Variants in CLIC5 observed in about 807,000 individuals in gnomAD.
CLIC5 encodes the protein CLIC family member 5, also known as chloride intracellular channel protein 5.
A neutral mutation model predicts 24.7 loss-of-function variants in CLIC5; 20 were observed. The observed-to-expected ratio is 0.81, with a 90% CI of 0.57 to 1.18. The LOEUF (loss-of-function observed/expected upper bound fraction) is 1.18. Ranked by LOEUF, CLIC5 falls within the 50% of genes most tolerant of loss-of-function variation. The pLI is 0.00. For synonymous variants in CLIC5, 159 were observed against 135.6 expected (o/e 1.17, Z -1.20); for missense variants, 341 against 326.1 (o/e 1.05, Z -0.35).
In CLIC5 at chr6:45,929,018, C is replaced by T. The variant is rs563588405; in HGVS notation, c.406+12529G>A. ...GGTCAGACAGCGGGAAATTCCACCACATGGAATGGTGTTGGTGGTCTCCGC... is the reference window on the plus strand; with the variant it reads ...GGTCAGACAGCGGGAAATTCCACCATATGGAATGGTGTTGGTGGTCTCCGC... On this transcript the variant is annotated intron_variant, in intron 4 of 5. Coordinates refer to ENST00000339561, the MANE Select transcript of CLIC5 (RefSeq NM_016929.5). 5.3e-5 allele frequency among the ~76,000 whole-genome samples: 8 copies of T among 152,254 alleles called. No homozygotes were observed. The East Asian group carries it at 1.5e-3, about 29-fold the overall frequency.
At chr6:45,997,856 A>G (rs1178945228) in intron 1 of CLIC5, among the ~76,000 whole-genome samples, 1 of 152,246 alleles carries the variant, frequency 6.6e-6, no homozygotes, top group Non-Finnish European at 1.5e-5. Context: ...AACCAAAGCC[A>G]GAGACTATAA....
intron 1 of CLIC5, among the ~76,000 whole-genome samples, chr6:46,033,393 T>C (rs1319151508): frequency 6.6e-6 from 1 of 152,136 alleles, no homozygotes; most frequent in Non-Finnish European, 1.5e-5. Context: ...GTGTCAGGCA[T>C]TTGGGCAGTC....
chr6:46,124,560 G>A, the CLIC5 span, among the ~76,000 whole-genome samples: 3 of 152,190 alleles, frequency 2.0e-5, no homozygotes, highest in Non-Finnish European at 4.4e-5. Flanking sequence ...GGCAACAAAA[G>A]CCAAAATTGA....
chr6:46,106,776 T>C, the CLIC5 span, among the ~76,000 whole-genome samples: 1 of 152,212 alleles, frequency 6.6e-6, no homozygotes, highest in Non-Finnish European at 1.5e-5. Flanking sequence ...ATCCTCTTTC[T>C]CTGTGCTTTG....
chr6:46,110,281 A>G, the CLIC5 span, among the ~76,000 whole-genome samples: 3 of 152,208 alleles, frequency 2.0e-5, no homozygotes, highest in Non-Finnish European at 4.4e-5. Flanking sequence ...CGTAGCCTCC[A>G]TGATTGTGAT....
chr6:45,915,874 A>T (rs988846856), intron 4 of CLIC5, among the ~76,000 whole-genome samples: 7 of 152,172 alleles, frequency 4.6e-5, no homozygotes, highest in Non-Finnish European at 8.8e-5. Flanking sequence ...ATGGCTGACC[A>T]GGGCATCAGT....
At chr6:45,937,112 C>T (rs570581083) in intron 4 of CLIC5, among the ~76,000 whole-genome samples, 10 of 152,156 alleles carry the variant, frequency 6.6e-5, no homozygotes, top group East Asian at 3.9e-4. Flanking sequence ...AGGCCACTGA[C>T]GCTCCTTGAT....
chr6:46,102,230 G>T, the CLIC5 span, among the ~76,000 whole-genome samples: 1 of 152,264 alleles, frequency 6.6e-6, no homozygotes, highest in Middle Eastern at 3.4e-3. Flanking sequence ...AACAAAGTAC[G>T]AGCAGCAATG....
rs376702671 is a variant in CLIC5 at position 45,986,913 on chromosome 6, G to T, written c.63+28567C>A. ...CTTGTGCAGGGACAGAAGACCCTGG[G>T]GTCATATTATTTGTACACAATTCCA... On this transcript the variant is annotated intron_variant, in intron 1 of 5. Transcript: ENST00000339561. Among the ~76,000 whole-genome samples the T allele has an allele frequency of 2.6e-5, 4 of 152,230 alleles. No individual in the cohort carries two copies. In the East Asian group the frequency reaches 7.7e-4, roughly 29 times the overall value.
At chr6:45,958,473 TATAA>T (rs1764739748) in intron 1 of CLIC5, among the ~76,000 whole-genome samples, 4 of 42,434 alleles carry the variant, frequency 9.4e-5, no homozygotes, top group South Asian at 5.2e-4. Flanking sequence ...TATATATATA[TATAA>T]ACAGCTAATG....
intron 1 of CLIC5, among the ~76,000 whole-genome samples, chr6:45,995,814 G>A (rs950069690): frequency 7.9e-5 from 12 of 152,136 alleles, no homozygotes; most frequent in South Asian, 4.2e-4. Flanking sequence ...TGTCCTTTGC[G>A]GGGACATGGA....
chr6:46,088,529 A>G, the CLIC5 span, among the ~76,000 whole-genome samples: 1 of 152,212 alleles, frequency 6.6e-6, no homozygotes, highest in African/African-American at 2.4e-5. Context: ...ATAGAAAAAG[A>G]TAAGAAAAAT....
chr6:46,058,894 G>C lies in CLIC5; in HGVS notation c.540+20809C>G, dbSNP rs189662208. On this transcript the variant is annotated intron_variant, in intron 1 of 5. Transcript: ENST00000185206. ...AGCAGTTGCATGTGATCTTACAGGA[G>C]AACACCATGGCAGAGGCATTTGGTT... Among the ~76,000 whole-genome samples, 178 of 152,346 alleles carry C rather than the reference G, an allele frequency of 1.2e-3. 5 individuals carry two copies. In the South Asian group the frequency reaches 0.028, roughly 24 times the overall value.
intron 4 of CLIC5, among the ~76,000 whole-genome samples, chr6:45,920,890 G>A (rs1763231713): frequency 6.6e-6 from 1 of 152,134 alleles, no homozygotes; most frequent in South Asian, 2.1e-4. Context: ...ATTCTAAGGG[G>A]ATTTTGAGGA....
At chr6:46,077,646 GCT>G (rs952018208) in intron 1 of CLIC5, among the ~76,000 whole-genome samples, 25 of 152,180 alleles carry the variant, frequency 1.6e-4, no homozygotes, top group African/African-American at 5.8e-4. Context: ...TATAACTGCC[GCT>G]CTTTTTATTA....
chr6:46,128,416 A>C, the CLIC5 span, among the ~76,000 whole-genome samples: 3 of 152,234 alleles, frequency 2.0e-5, no homozygotes, highest in Admixed American at 2.0e-4. Flanking sequence ...AATGCCACAA[A>C]ATTTAAGTTC....
At chr6:45,881,273 G>A (rs1581701210) in intron 6 of CLIC5, 1 of 396,436 alleles carries the variant, frequency 2.5e-6, no homozygotes, top group Non-Finnish European at 4.4e-6. Flanking sequence ...AATCATGCAA[G>A]CATGAAGGAT....
At chr6:45,935,812 TC>T (rs1366485058) in intron 4 of CLIC5, among the ~76,000 whole-genome samples, 1 of 152,068 alleles carries the variant, frequency 6.6e-6, no homozygotes, top group Non-Finnish European at 1.5e-5. Flanking sequence ...ATGGGTGGAT[TC>T]CACATGAGAA....
intron 1 of CLIC5, among the ~76,000 whole-genome samples, chr6:45,958,304 T>G (rs1764713352): frequency 6.6e-6 from 1 of 151,240 alleles, no homozygotes; most frequent in Non-Finnish European, 1.5e-5. Flanking sequence ...GCCCACACCT[T>G]GATTTTGAAC....
Sources: gnomAD v4.1 joint callset for allele counts (sites outside exome capture counted in the v4.1 genomes callset) on GRCh38, gnomAD v4.1.1 for gene constraint, MANE v1.5 for transcripts, NCBI Gene and HGNC (gene_info 2026-07-23, HGNC 2026-07-21) for gene names.